Variants in HPSE2 observed in about 807,000 individuals in gnomAD.
HPSE2 encodes the protein heparanase 2 (inactive), also known as inactive heparanase-2.
Under a neutral mutation model 60.5 loss-of-function variants are expected in HPSE2, and 38 were observed. The observed-to-expected ratio is 0.63, with a 90% CI of 0.48 to 0.82. The LOEUF (loss-of-function observed/expected upper bound fraction) is 0.82. Ranked by LOEUF, HPSE2 falls within the 40% of genes least tolerant of loss-of-function variation. HPSE2 has a pLI of 0.00. For missense variants in HPSE2, 713 were observed against 740.4 expected, an observed-to-expected ratio of 0.96 and a Z score of 0.43; for synonymous variants, 295 against 293.2, an observed-to-expected ratio of 1.01 and a Z score of -0.06.
chr10:98,840,873 T>G (rs1428589902), intron 3 of HPSE2, among the ~76,000 whole-genome samples: 1 of 152,214 alleles, frequency 6.6e-6, no homozygotes, highest in African/African-American at 2.4e-5. Flanking sequence ...AAAGTTTTAA[T>G]TTACCATACA....
chr10:99,076,760 T>C (rs939032579), intron 3 of HPSE2, among the ~76,000 whole-genome samples: 1 of 152,222 alleles, frequency 6.6e-6, no homozygotes, highest in African/African-American at 2.4e-5. Context: ...CATTACAATA[T>C]TGCATTATTC....
chr10:98,651,490 C>T (rs557866), intron 6 of HPSE2, among the ~76,000 whole-genome samples: 25,853 of 152,050 alleles, frequency 0.17, 2,358 homozygotes, highest in Admixed American at 0.23. Flanking sequence ...CATGTCCCTC[C>T]GTAACAAAAT....
In HPSE2 at chr10:98,537,803, T is replaced by C. The variant is rs532062061; in HGVS notation, c.1321-47607A>G. On this transcript the variant is annotated intron_variant, in intron 9 of 11. Coordinates refer to ENST00000370552, the MANE Select transcript of HPSE2 (RefSeq NM_021828.5). ...AGGCTGGATATTATCCAGGCCTGCCTGCAGTCATCCGGAGGCCTAAACCCC... is the reference window on the plus strand; with the variant it reads ...AGGCTGGATATTATCCAGGCCTGCCCGCAGTCATCCGGAGGCCTAAACCCC... Among the ~76,000 whole-genome samples the C allele has an allele frequency of 3.8e-3, 586 of 152,366 alleles. 2 individuals carry two copies. Among genetic ancestry groups the C allele is most frequent in the African/African-American group, 0.013 (553 of 41,586 alleles).
chr10:99,141,276 T>A (rs1422211316), intron 3 of HPSE2, among the ~76,000 whole-genome samples: 1 of 152,064 alleles, frequency 6.6e-6, no homozygotes, highest in Non-Finnish European at 1.5e-5. Flanking sequence ...TACGCCCCCA[T>A]AGGTGAGTCA....
chr10:99,276,300 T>C, the HPSE2 span, among the ~76,000 whole-genome samples: 2 of 152,194 alleles, frequency 1.3e-5, no homozygotes, highest in African/African-American at 4.8e-5. Flanking sequence ...TACAACCCAA[T>C]AATTATTCTT....
the HPSE2 span, among the ~76,000 whole-genome samples, chr10:99,255,312 T>C: frequency 2.0e-4 from 31 of 152,170 alleles, no homozygotes; most frequent in African/African-American, 7.2e-4. Flanking sequence ...ATAGTATTAG[T>C]TTTATACAAA....
At chr10:98,999,487 G>A (rs765075656) in intron 3 of HPSE2, among the ~76,000 whole-genome samples, 15 of 152,164 alleles carry the variant, frequency 9.9e-5, no homozygotes, top group Non-Finnish European at 1.3e-4. Context: ...AGTCATTCAT[G>A]TGCAGACTAG....
At chr10:98,978,860 T>C (rs1241642728) in intron 3 of HPSE2, among the ~76,000 whole-genome samples, 1 of 152,238 alleles carries the variant, frequency 6.6e-6, no homozygotes, top group South Asian at 2.1e-4. Context: ...AAAGTCAGTA[T>C]CCTCGACACT....
At chr10:98,513,001 T>C (rs12241180) in intron 9 of HPSE2, among the ~76,000 whole-genome samples, 2 of 152,206 alleles carry the variant, frequency 1.3e-5, no homozygotes, top group African/African-American at 4.8e-5. Flanking sequence ...TTGATTCAAT[T>C]TGTATTTACA....
At chr10:98,937,246 G>C (rs1954827773) in intron 3 of HPSE2, among the ~76,000 whole-genome samples, 1 of 143,814 alleles carries the variant, frequency 7.0e-6, no homozygotes, top group Admixed American at 6.9e-5. Context: ...AGGACAGTGG[G>C]TGCAGCGCAC....
In HPSE2 at chr10:98,743,879, T is replaced by C. The variant is rs765385755; in HGVS notation, c.784+4A>G. 8 of 1,612,998 alleles carry C rather than the reference T, an allele frequency of 5.0e-6. No individual in the cohort carries two copies. The highest frequency in any genetic ancestry group is 6.8e-6 in the Non-Finnish European group (8 of 1,178,924). ...AATTCAGAGGAAGTAACATCCTTAC[T>C]TACCATTACCCAGTTCCCAAGAAAT... On this transcript the variant is annotated splice_donor_region_variant and intron_variant, in intron 4 of 11. Coordinates refer to ENST00000370552, the MANE Select transcript of HPSE2 (RefSeq NM_021828.5).
At chr10:99,087,501 A>T (rs921266985) in intron 3 of HPSE2, among the ~76,000 whole-genome samples, 1 of 152,200 alleles carries the variant, frequency 6.6e-6, no homozygotes, top group African/African-American at 2.4e-5. Flanking sequence ...ATGACTGCTG[A>T]AATTCTGTTT....
intron 3 of HPSE2, among the ~76,000 whole-genome samples, chr10:99,043,113 C>G (rs994186081): frequency 1.3e-5 from 2 of 152,158 alleles, no homozygotes; most frequent in African/African-American, 4.8e-5. Context: ...AAAAAATCAG[C>G]GTAAGAACTC....
At chr10:99,053,815 A>G (rs1589582225) in intron 3 of HPSE2, among the ~76,000 whole-genome samples, 1 of 124,222 alleles carries the variant, frequency 8.1e-6, no homozygotes, top group East Asian at 2.6e-4. Context: ...TGCAACCTCC[A>G]CCTCCTGGGT....
intron 3 of HPSE2, among the ~76,000 whole-genome samples, chr10:98,912,955 C>T (rs1039353590): frequency 1.3e-5 from 2 of 152,052 alleles, no homozygotes; most frequent in African/African-American, 4.8e-5. Context: ...TGAATCACAA[C>T]GGATAAATGC....
At chr10:98,722,735 G>C (rs987187176) in intron 4 of HPSE2, among the ~76,000 whole-genome samples, 3 of 152,114 alleles carry the variant, frequency 2.0e-5, no homozygotes, top group African/African-American at 7.2e-5. Context: ...AGCTGGAGGA[G>C]GCTAATTTGA....
chr10:98,811,371 G>A lies in HPSE2; in HGVS notation c.611-67315C>T, dbSNP rs868121620. 7.2e-5 allele frequency among the ~76,000 whole-genome samples: 11 copies of A among 152,254 alleles called. No homozygotes were observed. The South Asian group carries it at 2.1e-3, about 29-fold the overall frequency. ...ACTCTATGAAAGTAGGGGTGACAGTGTGTTTGTTTATTTATTGTTTCCCCA... is the reference window on the plus strand; with the variant it reads ...ACTCTATGAAAGTAGGGGTGACAGTATGTTTGTTTATTTATTGTTTCCCCA... On this transcript the variant is annotated intron_variant, in intron 3 of 11. Transcript: ENST00000370552.
intron 2 of HPSE2, among the ~76,000 whole-genome samples, chr10:99,153,184 C>T (rs575305972): frequency 2.0e-5 from 3 of 152,318 alleles, no homozygotes; most frequent in East Asian, 1.9e-4. Flanking sequence ...GAGGGGCGCC[C>T]GCCATTGCCC....
chr10:99,164,810 G>C lies in HPSE2; in HGVS notation c.449-20411C>G, dbSNP rs150929354. On this transcript the variant is annotated intron_variant, in intron 2 of 11. Transcript: ENST00000370552. The stretch of plus-strand genomic sequence containing the variant: ...GAGGCCAAGGTGGGCAGATCACGAG[G>C]TCAGGTGGCTCACGCCTGTAATCCC... 2.5e-3 allele frequency among the ~76,000 whole-genome samples: 383 copies of C among 152,248 alleles called. 2 individuals carry two copies. Among genetic ancestry groups the C allele is most frequent in the Middle Eastern group, 6.8e-3 (2 of 294 alleles).
Sources: gnomAD v4.1 joint callset for allele counts (sites outside exome capture counted in the v4.1 genomes callset) on GRCh38, gnomAD v4.1.1 for gene constraint, MANE v1.5 for transcripts, NCBI Gene and HGNC (gene_info 2026-07-23, HGNC 2026-07-21) for gene names.